PHACTR2: variants seen among roughly 807,000 people sequenced by gnomAD.
PHACTR2 encodes the protein phosphatase and actin regulator 2, also known as chromosome 6 open reading frame 56.
A neutral mutation model predicts 76.0 loss-of-function variants in PHACTR2; 30 were observed. The ratio of observed to expected loss-of-function variants is 0.39; its 90% confidence interval spans 0.30 to 0.54. The LOEUF (loss-of-function observed/expected upper bound fraction) is 0.54, where lower values mean the gene tolerates loss of function less well. Among genes scored for constraint, PHACTR2 ranks in the 20% least tolerant of loss-of-function variants. The pLI is 0.61. For synonymous variants in PHACTR2, 292 were observed against 292.5 expected (o/e 1.00, Z 0.02); for missense variants, 696 against 781.1 (o/e 0.89, Z 1.30).
chr6:143,642,683 CACAGAGATACCCACACAGGGAG>C (rs1776587835), intron 1 of PHACTR2, among the ~76,000 whole-genome samples: 1 of 152,126 alleles, frequency 6.6e-6, no homozygotes, highest in Non-Finnish European at 1.5e-5. Context: ...GGAATTTGGA[CACAGAGATACCCACACAGGGAG>C]AACACTATGT....
At chr6:143,657,431 G>A (rs959347315) in intron 1 of PHACTR2, among the ~76,000 whole-genome samples, 10 of 151,950 alleles carry the variant, frequency 6.6e-5, no homozygotes, top group East Asian at 1.9e-4. Context: ...TCCCCAGTAC[G>A]TGTTTTTCCA....
rs1478046497 is a variant in PHACTR2, at chr6:143,618,624, G to A, written c.13+10302G>A. ...GGGAGGCTGGGGGGGGATAGGGGTT[G>A]AATGTTTCCCTAACTGCCCCTCCTG... is the stretch of plus-strand genomic sequence containing the variant. On this transcript the variant is annotated intron_variant, in intron 1 of 11. Coordinates refer to the PHACTR2 transcript ENST00000305766. This position sits in a 1 kb window ranked among gnomAD's most constrained non-coding sequence, Gnocchi z 5.2. Among the ~76,000 whole-genome samples the A allele has an allele frequency of 2.6e-5, 4 of 151,698 alleles. No homozygotes were observed. The highest frequency in any genetic ancestry group is 4.4e-5 in the Non-Finnish European group (3 of 67,934).
At chr6:143,631,026 C>CT (rs765686511) in intron 1 of PHACTR2, among the ~76,000 whole-genome samples, 2 of 152,174 alleles carry the variant, frequency 1.3e-5, no homozygotes, top group Non-Finnish European at 2.9e-5. Flanking sequence ...ACCAGCCTTC[C>CT]TTGTTGGAAG....
At position 143,623,677 on chromosome 6, in the gene PHACTR2, G is replaced by A. The variant is rs1357766405; in HGVS notation, c.13+15355G>A. Among the ~76,000 whole-genome samples, 1 of 152,080 alleles carries A rather than the reference G, an allele frequency of 6.6e-6. No homozygotes were observed. Among genetic ancestry groups the A allele is most frequent in the Non-Finnish European group, 1.5e-5 (1 of 68,018 alleles). On this transcript the variant is annotated intron_variant, in intron 1 of 11. Coordinates refer to the PHACTR2 transcript ENST00000305766. This position sits in a 1 kb window ranked among gnomAD's most constrained non-coding sequence, Gnocchi z 5.9. ...TCATGGGAGTACAGCATACAAAGTT[G>A]GTTTTATTTTTATAAAAACATTTTG...
chr6:143,718,885 T>G lies in PHACTR2; in HGVS notation c.214+6702T>G, dbSNP rs531667916. Among the ~76,000 whole-genome samples, 480 of 147,860 alleles carry G rather than the reference T, an allele frequency of 3.2e-3. 3 individuals are homozygous for G. The highest frequency in any genetic ancestry group is 0.01 in the African/African-American group (418 of 40,240). ...TGGAAAGTTGGAAGTGTTTTTTTTT[T>G]TTTTTTTTTTTTTTGGAGACAGAGT... On this transcript the variant is annotated intron_variant, in intron 2 of 12. Transcript: ENST00000440869.
Position 143,783,104 on chromosome 6 carries a change from G to T in PHACTR2, c.1646-115G>T. 1.0e-5 allele frequency: 6 copies of T among 586,882 alleles called. No homozygotes were observed. Among genetic ancestry groups the T allele is most frequent in the Admixed American group, 2.9e-5 (1 of 34,496 alleles). 36.4% of individuals were successfully genotyped at this position (586,882 alleles called of 1,614,324 possible). ...TTTTGACAACTTTTTAACAATGTTG[G>T]TTGTGTGTTTGATCATTATTTGTTA... is the stretch of plus-strand genomic sequence containing the variant. On this transcript the variant is annotated intron_variant, in intron 9 of 12. Transcript: ENST00000440869. This position sits in a 1 kb window ranked among gnomAD's most constrained non-coding sequence, Gnocchi z 5.2.
rs181480275 is a variant in PHACTR2, at chr6:143,596,265, G to C, written c.217+59058G>C. Among the ~76,000 whole-genome samples the C allele has an allele frequency of 2.0e-3, 308 of 152,004 alleles. No homozygotes were observed. The highest frequency in any genetic ancestry group is 3.3e-3 in the Non-Finnish European group (225 of 67,982). ...CCTTTATTCCTCTAGGTCTTCATTT[G>C]GTGTCTTTTTAGCGTATGTTCTGTT... On this transcript the variant is annotated intron_variant, in intron 1 of 11. Transcript: ENST00000367584. This position sits in a 1 kb window ranked among gnomAD's most constrained non-coding sequence, Gnocchi z 4.6.
rs778963338 is a variant in PHACTR2, at chr6:143,816,836, C to T, written c.1923-6838C>T. 4.6e-5 allele frequency among the ~76,000 whole-genome samples: 7 copies of T among 152,150 alleles called. No homozygotes were observed. Among genetic ancestry groups the T allele is most frequent in the Non-Finnish European group, 7.4e-5 (5 of 68,024 alleles). ...ATCCCAGCACTTTGGGAGGCTGAGG[C>T]GGGAGGATCGCTTGAGGCCAGGAGT... is the stretch of plus-strand genomic sequence containing the variant. On this transcript the variant is annotated intron_variant, in intron 12 of 12. Transcript: ENST00000440869. The surrounding 1 kb of genome is among the most constrained non-coding windows in gnomAD (Gnocchi z 4.5).
Position 143,624,089 on chromosome 6 carries a change from A to AT in PHACTR2, c.13+15775dup, listed in dbSNP as rs1389313898. Among the ~76,000 whole-genome samples the AT allele has an allele frequency of 4.0e-5, 6 of 151,024 alleles. No individual in the cohort carries two copies. Among genetic ancestry groups the AT allele is most frequent in the African/African-American group, 9.7e-5 (4 of 41,108 alleles). On this transcript the variant is annotated intron_variant, in intron 1 of 11. Transcript: ENST00000305766. This position sits in a 1 kb window ranked among gnomAD's most constrained non-coding sequence, Gnocchi z 4.6. ...TAGAACTAGCTCTGAAATCTTGTTA[A>AT]TTTTTTTTGTTGTTTTTTTTGTTTG...
rs558168860 is a variant in PHACTR2, at chr6:143,539,809, C to G, written c.217+2602C>G. Among the ~76,000 whole-genome samples the G allele has an allele frequency of 3.2e-4, 48 of 152,264 alleles. 2 individuals carry two copies. In the South Asian group the frequency reaches 1.0e-2, roughly 32 times the overall value. ...CCCCAGGTTGTTCTTAGTCACCTTG[C>G]AGTTTGAAAAGTGCTGCTCTCCCAC... On this transcript the variant is annotated intron_variant, in intron 1 of 11. Transcript: ENST00000367584. The surrounding 1 kb of genome is among the most constrained non-coding windows in gnomAD (Gnocchi z 4.3).
In PHACTR2 at chr6:143,656,961, C is replaced by G. The variant is rs938074652; in HGVS notation, c.13+48639C>G. ...ACTTGAACTAAGTTTGATGTGGCTA[C>G]TTTTTATTTTTTACTTTTCAAAAAT... On this transcript the variant is annotated intron_variant, in intron 1 of 11. Coordinates refer to the PHACTR2 transcript ENST00000305766. This position sits in a 1 kb window ranked among gnomAD's most constrained non-coding sequence, Gnocchi z 5.3. 3.3e-5 allele frequency among the ~76,000 whole-genome samples: 5 copies of G among 151,660 alleles called. No individual in the cohort carries two copies. The highest frequency in any genetic ancestry group is 9.7e-5 in the African/African-American group (4 of 41,274).
chr6:143,645,885 G>A (rs1776652074), intron 1 of PHACTR2, among the ~76,000 whole-genome samples: 2 of 152,080 alleles, frequency 1.3e-5, no homozygotes, highest in South Asian at 4.2e-4. Context: ...TTTTTAAAGT[G>A]TGTATTCGTA....
At chr6:143,714,901 C>A (rs1778268957) in intron 2 of PHACTR2, among the ~76,000 whole-genome samples, 1 of 152,094 alleles carries the variant, frequency 6.6e-6, no homozygotes, top group East Asian at 1.9e-4. Context: ...ATATAAACAT[C>A]CTTCCTTTGG....
In PHACTR2 at chr6:143,558,357, A is replaced by G. The variant is rs1775210885; in HGVS notation, c.217+21150A>G. ...ATATGATAGGAGAAAAAAGATGTCTACTTTTTTGCTTCAAAATCTTCAACT... is the reference window on the plus strand; with the variant it reads ...ATATGATAGGAGAAAAAAGATGTCTGCTTTTTTGCTTCAAAATCTTCAACT... On this transcript the variant is annotated intron_variant, in intron 1 of 11. Transcript: ENST00000367584. This position sits in a 1 kb window ranked among gnomAD's most constrained non-coding sequence, Gnocchi z 4.7. 6.6e-6 allele frequency among the ~76,000 whole-genome samples: 1 copy of G among 152,144 alleles called. No individual in the cohort carries two copies. The highest frequency in any genetic ancestry group is 1.5e-5 in the Non-Finnish European group (1 of 68,018).
intron 2 of PHACTR2, among the ~76,000 whole-genome samples, chr6:143,745,498 T>G (rs915551232): frequency 6.6e-6 from 1 of 152,246 alleles, no homozygotes; most frequent in African/African-American, 2.4e-5. Context: ...CCCTGCTTTG[T>G]GCGGTGTGTT....
intron 1 of PHACTR2, among the ~76,000 whole-genome samples, chr6:143,657,397 C>T (rs536981081): frequency 3.9e-5 from 6 of 152,204 alleles, no homozygotes; most frequent in African/African-American, 9.6e-5. Flanking sequence ...CAGTCCCCAC[C>T]GAGGCAAACA....
intron 1 of PHACTR2, among the ~76,000 whole-genome samples, chr6:143,704,095 CTGTG>C (rs759683885): frequency 1.2e-3 from 167 of 144,178 alleles, no homozygotes; most frequent in African/African-American, 2.3e-3. Flanking sequence ...GTGTGTGTGT[CTGTG>C]TGTGTGTGTG....
chr6:143,787,972 G>T lies in PHACTR2; in HGVS notation c.1708-801G>T, dbSNP rs1232414963. Among the ~76,000 whole-genome samples the T allele has an allele frequency of 1.3e-5, 2 of 152,180 alleles. No individual in the cohort carries two copies. Among genetic ancestry groups the T allele is most frequent in the African/African-American group, 4.8e-5 (2 of 41,448 alleles). Reference sequence around the variant, plus strand: ...ACCTCCGTAGCAGAGAGTAGATAATGCCTGTTTACCAAGGGGCCAGCTTTC... The same window carrying T: ...ACCTCCGTAGCAGAGAGTAGATAATTCCTGTTTACCAAGGGGCCAGCTTTC... On this transcript the variant is annotated intron_variant, in intron 10 of 12. Coordinates refer to ENST00000440869, the MANE Select transcript of PHACTR2 (RefSeq NM_001100164.2). The surrounding 1 kb of genome is among the most constrained non-coding windows in gnomAD (Gnocchi z 4.6).
rs75633906 is a variant in PHACTR2, at chr6:143,792,449, C to A, written c.1845+3539C>A. Among the ~76,000 whole-genome samples the A allele has an allele frequency of 4.2e-3, 643 of 152,202 alleles. 6 individuals are homozygous for A. Among genetic ancestry groups the A allele is most frequent in the African/African-American group, 0.015 (606 of 41,506 alleles). ...TGTGGGCTTCTGGTCATTCACCTCT[C>A]ATTTAGTGGCTCCTAGTTGACCCTG... On this transcript the variant is annotated intron_variant, in intron 11 of 12. Coordinates refer to ENST00000440869, the MANE Select transcript of PHACTR2 (RefSeq NM_001100164.2).
Sources: gnomAD v4.1 joint callset for allele counts (sites outside exome capture counted in the v4.1 genomes callset) on GRCh38, gnomAD v4.1.1 for gene constraint, Gnocchi (gnomAD v3.1) non-coding constraint, MANE v1.5 for transcripts, NCBI Gene and HGNC (gene_info 2026-07-23, HGNC 2026-07-21) for gene names.